Variants in WDR72 observed in about 807,000 individuals in gnomAD.
WDR72 encodes the protein WD repeat domain 72, also known as WD repeat-containing protein 72.
Under a neutral mutation model 124.2 loss-of-function variants are expected in WDR72, and 120 were observed. The observed-to-expected ratio is 0.97, with a 90% CI of 0.83 to 1.12. The LOEUF (loss-of-function observed/expected upper bound fraction) is 1.12, where lower values mean the gene tolerates loss of function less well. Among genes scored for constraint, WDR72 ranks in the 50% most tolerant of loss-of-function variants. The pLI, the probability that WDR72 is intolerant of heterozygous loss-of-function variation, is 0.00. For missense variants in WDR72, 1,387 were observed against 1,278.8 expected, an observed-to-expected ratio of 1.08 and a Z score of -1.29; for synonymous variants, 452 against 441.7, an observed-to-expected ratio of 1.02 and a Z score of -0.29.
intron 18 of WDR72, among the ~76,000 whole-genome samples, chr15:53,575,038 CACAT>C (rs1250283818): frequency 2.1e-5 from 3 of 142,426 alleles, no homozygotes; most frequent in Non-Finnish European, 3.1e-5. Context: ...CACACACACA[CACAT>C]TTAAAATGTA....
chr15:53,665,597 C>G lies in WDR72; in HGVS notation c.1937G>C (p.Gly646Ala), dbSNP rs770650802. The G allele has an allele frequency of 6.2e-7, 1 of 1,613,836 alleles. No individual in the cohort carries two copies. Among genetic ancestry groups the G allele is most frequent in the Admixed American group, 1.7e-5 (1 of 59,974 alleles). The change falls in exon 14 of 20, where the codon GGT (glycine) becomes GCT (alanine). Residue 646 changes from glycine to alanine, a missense_variant. By Grantham distance (60) the Gly-to-Ala change is moderately conservative. Transcript: ENST00000360509. ...PYQLGPLPCP[G>A]LQVESSCKVT... Reference sequence around the variant, plus strand: ...CTTACATGAAGACTCCACCTGCAGACCAGGGCAAGGTAATGGCCCAAGCTG... The same window carrying G: ...CTTACATGAAGACTCCACCTGCAGAGCAGGGCAAGGTAATGGCCCAAGCTG...
chr15:53,631,905 C>T (rs1269000427), intron 14 of WDR72, among the ~76,000 whole-genome samples: 2 of 152,054 alleles, frequency 1.3e-5, no homozygotes, highest in Non-Finnish European at 2.9e-5. Flanking sequence ...AAAGAAATGA[C>T]CTGAAATTGG....
intron 18 of WDR72, among the ~76,000 whole-genome samples, chr15:53,583,025 T>C (rs2012012841): frequency 6.6e-6 from 1 of 151,968 alleles, no homozygotes; most frequent in African/African-American, 2.4e-5. Context: ...ATAAATGAGT[T>C]TACTGTCTTG....
chr15:53,651,198 T>G (rs2015227377), intron 14 of WDR72, among the ~76,000 whole-genome samples: 1 of 152,144 alleles, frequency 6.6e-6, no homozygotes, highest in African/African-American at 2.4e-5. Flanking sequence ...TTCCTTAGAA[T>G]ATTCTCCCCT....
At chr15:53,699,403 G>A (rs1221867649) in intron 13 of WDR72, among the ~76,000 whole-genome samples, 1 of 152,174 alleles carries the variant, frequency 6.6e-6, no homozygotes, top group African/African-American at 2.4e-5. Flanking sequence ...TGGTGAGCAT[G>A]CTGAAGAAAG....
chr15:53,655,682 G>A (rs1214884544), intron 14 of WDR72, among the ~76,000 whole-genome samples: 1 of 151,654 alleles, frequency 6.6e-6, no homozygotes, highest in African/African-American at 2.4e-5. Flanking sequence ...AGTAATGAAG[G>A]TGAGCAGGAC....
intron 12 of WDR72, among the ~76,000 whole-genome samples, chr15:53,701,871 A>G (rs1328537334): frequency 6.6e-6 from 1 of 152,180 alleles, no homozygotes; most frequent in East Asian, 1.9e-4. Context: ...GAAGAGAATT[A>G]AGTGGTTGTT....
chr15:53,749,310 T>C (rs1401631926), intron 1 of WDR72, among the ~76,000 whole-genome samples: 1 of 152,182 alleles, frequency 6.6e-6, no homozygotes. Flanking sequence ...ACTTTGTCAA[T>C]AACATTTTTA....
At chr15:53,644,751 CG>C (rs935808679) in intron 14 of WDR72, among the ~76,000 whole-genome samples, 31 of 151,776 alleles carry the variant, frequency 2.0e-4, no homozygotes, top group African/African-American at 6.5e-4. Flanking sequence ...TCCAACGGGT[CG>C]GGTGGAGAGC....
At chr15:53,575,901 C>A (rs1157724419) in intron 18 of WDR72, among the ~76,000 whole-genome samples, 4 of 152,128 alleles carry the variant, frequency 2.6e-5, no homozygotes, top group Non-Finnish European at 5.9e-5. Context: ...TGGCAGTCAA[C>A]AACTTCTGCA....
intron 18 of WDR72, among the ~76,000 whole-genome samples, chr15:53,588,894 G>C (rs2012354741): frequency 6.6e-6 from 1 of 151,878 alleles, no homozygotes; most frequent in Admixed American, 6.6e-5. Flanking sequence ...GTTGCAAAGA[G>C]GGCTCTGTGT....
chr15:53,621,115 G>T (rs1480795046), intron 14 of WDR72, among the ~76,000 whole-genome samples: 3 of 151,908 alleles, frequency 2.0e-5, no homozygotes, highest in Non-Finnish European at 4.4e-5. Flanking sequence ...CCTTACTCTT[G>T]CAAGAATGGC....
At chr15:53,726,192 A>ATATGTG (rs1420130929) in intron 2 of WDR72, among the ~76,000 whole-genome samples, 1,472 of 126,534 alleles carry the variant, frequency 0.012, 27 homozygotes, top group African/African-American at 0.038. Flanking sequence ...ATATATATAT[A>ATATGTG]TGTGTGTGTG....
intron 18 of WDR72, among the ~76,000 whole-genome samples, chr15:53,582,172 T>C (rs980861833): frequency 2.0e-5 from 3 of 152,018 alleles, no homozygotes; most frequent in Non-Finnish European, 4.4e-5. Flanking sequence ...TTTATACTTG[T>C]GATTTATGCC....
chr15:53,574,541 C>G (rs1894681991), intron 18 of WDR72, among the ~76,000 whole-genome samples: 1 of 152,010 alleles, frequency 6.6e-6, no homozygotes. Context: ...TATCTCAGAA[C>G]AAAGAAAGAT....
intron 18 of WDR72, among the ~76,000 whole-genome samples, chr15:53,575,880 C>A (rs968976143): frequency 6.6e-6 from 1 of 152,090 alleles, no homozygotes; most frequent in Admixed American, 6.6e-5. Flanking sequence ...CACTATCTAC[C>A]AGGGTAGAAC....
rs1421301040 is a variant in WDR72 at position 53,541,735 on chromosome 15, A to G, written c.3149-18413T>C. ...ATTCAAACCAAAGGCAAAGAAGTTG[A>G]AAACTTTGAAAAAAATTTAGAAGAA... On this transcript the variant is annotated intron_variant, in intron 18 of 19. Transcript: ENST00000360509. 1.6e-4 allele frequency among the ~76,000 whole-genome samples: 22 copies of G among 141,610 alleles called. No homozygotes were observed. The East Asian group carries it at 2.7e-3, about 17-fold the overall frequency. 92.9% of individuals were successfully genotyped at this position (141,610 alleles called of 152,430 possible). A position where few individuals can be genotyped will look rare whatever the true frequency, so the allele number is the denominator to read the frequency against.
At position 53,515,874 on chromosome 15, in the gene WDR72, ACATAT is replaced by A. The variant is rs1891434430; in HGVS notation, c.*1820_*1824del. 6.6e-6 allele frequency: 1 copy of A among 152,186 alleles called. No individual in the cohort carries two copies. The highest frequency in any genetic ancestry group is 2.1e-4 in the South Asian group (1 of 4,834). 9.4% of individuals were successfully genotyped at this position (152,186 alleles called of 1,614,324 possible). On this transcript the variant is annotated 3_prime_UTR_variant, in exon 20 of 20. Coordinates refer to ENST00000360509, the MANE Select transcript of WDR72 (RefSeq NM_182758.4). ...AAATAATGAAGCTTATTTTTCATAA[ACATAT>A]CATAACCTGAGCGTCCAAATAGATT...
At chr15:53,643,604 C>A (rs1351073377) in intron 14 of WDR72, among the ~76,000 whole-genome samples, 1 of 152,032 alleles carries the variant, frequency 6.6e-6, no homozygotes, top group Non-Finnish European at 1.5e-5. Context: ...AACCTGGCCA[C>A]AATAAAAGCA....
Sources: allele counts gnomAD v4.1 joint callset (sites outside exome capture counted in the v4.1 genomes callset), GRCh38; gene constraint gnomAD v4.1.1; transcripts MANE v1.5; gene names NCBI Gene and HGNC (gene_info 2026-07-23, HGNC 2026-07-21).